The following SMARCC2 variants were observed in gnomAD, a reference collection of about 807,000 sequenced individuals.
The protein encoded by SMARCC2 is SWI/SNF complex subunit SMARCC2.
In SMARCC2, 15 loss-of-function variants were observed where a neutral mutation model predicts 151.3. The observed-to-expected ratio is 0.10, with a 90% CI of 0.07 to 0.15. SMARCC2 has a LOEUF of 0.15. Ranked by LOEUF, SMARCC2 falls within the 10% of genes least tolerant of loss-of-function variation. The pLI, the probability that SMARCC2 is intolerant of heterozygous loss-of-function variation, is 1.00. For synonymous variants in SMARCC2, 590 were observed against 609.5 expected (o/e 0.97, Z 0.47); for missense variants, 1,031 against 1,599.7 (o/e 0.64, Z 6.06).
At chr12:56,182,174 A>T in intron 7 of SMARCC2, 95 bp from the exon 8 acceptor site, 1 of 821,208 alleles carries the variant, frequency 1.2e-6, no homozygotes, top group Non-Finnish European at 1.9e-6. Context: ...TACAGAAAGT[A>T]TTGGGTTCTT....
intron 1 of SMARCC2, among the ~76,000 whole-genome samples, chr12:56,188,701 T>A (rs890450865): frequency 3.3e-5 from 5 of 152,174 alleles, no homozygotes; most frequent in African/African-American, 1.2e-4. Flanking sequence ...GACTTCATTG[T>A]AAAATCGAGG....
intron 1 of SMARCC2, among the ~76,000 whole-genome samples, chr12:56,188,315 A>T (rs1877664522): frequency 1.3e-5 from 2 of 152,184 alleles, no homozygotes; most frequent in Admixed American, 6.5e-5. Flanking sequence ...TCTCACACCC[A>T]GAGAGACCCC....
In SMARCC2 at chr12:56,182,286, C is replaced by T. The variant is rs536926649; in HGVS notation, c.633-207G>A. ...AAAGAATCACCCTTACGTAACTACTCTTGATACTTGTATATCTGTTTTTCC... is the reference window on the plus strand; with the variant it reads ...AAAGAATCACCCTTACGTAACTACTTTTGATACTTGTATATCTGTTTTTCC... On this transcript the variant is annotated intron_variant, in intron 7 of 28. Coordinates refer to ENST00000550164, the MANE Select transcript of SMARCC2 (RefSeq NM_001330288.2). 2.0e-5 allele frequency among the ~76,000 whole-genome samples: 3 copies of T among 151,688 alleles called. No individual in the cohort carries two copies. In the South Asian group the frequency reaches 6.2e-4, roughly 32 times the overall value.
Position 56,162,383 on chromosome 12 carries a change from TAAAAAAAAA to T in SMARCC2, c.*1297_*1305del. The T allele has an allele frequency of 2.2e-6, 1 of 459,384 alleles. No homozygotes were observed. The highest frequency in any genetic ancestry group is 3.8e-6 in the Non-Finnish European group (1 of 263,778). 28.5% of individuals were successfully genotyped at this position (459,384 alleles called of 1,614,324 possible). On this transcript the variant is annotated 3_prime_UTR_variant, in exon 29 of 29. Transcript: ENST00000550164. Reference sequence around the variant, plus strand: ...ATGGAACTGAAAGCAAATTAATTTATAAAAAAAAAAAAAAGAAAGAAAGAAAAAAAGAGA... The same window carrying T: ...ATGGAACTGAAAGCAAATTAATTTATAAAAAGAAAGAAAGAAAAAAAGAGA...
chr12:56,180,505 G>A (rs1875981235), intron 11 of SMARCC2, among the ~76,000 whole-genome samples: 1 of 151,382 alleles, frequency 6.6e-6, no homozygotes, highest in Non-Finnish European at 1.5e-5. Flanking sequence ...CCAGGTTCAA[G>A]CAATTCTCCT....
At chr12:56,181,143 G>C (rs1321317656) in intron 10 of SMARCC2, 42 bp from the exon 11 acceptor site, 12 of 1,588,112 alleles carry the variant, frequency 7.6e-6, no homozygotes, top group Non-Finnish European at 1.0e-5. Context: ...GTCATCCTTG[G>C]ACAAGGAGTC....
At chr12:56,178,657 C>T (rs1875504091) in intron 13 of SMARCC2, 123 bp from the exon 14 acceptor site, 3 of 1,471,216 alleles carry the variant, frequency 2.0e-6, no homozygotes, top group Non-Finnish European at 1.9e-6. Flanking sequence ...CAGTCATGGG[C>T]CCCAGGACTC....
rs1351837890 is a variant in SMARCC2, at chr12:56,184,912, T to C, written c.424A>G (p.Ile142Val). 1.2e-6 allele frequency: 2 copies of C among 1,613,250 alleles called. No individual in the cohort carries two copies. The highest frequency in any genetic ancestry group is 1.3e-5 in the African/African-American group (1 of 74,808). The change falls in exon 5 of 29, where the codon ATT becomes GTT. Residue 142 changes from isoleucine to valine, a missense_variant. Ile to Val is a conservative substitution (Grantham distance 29). Coordinates refer to ENST00000550164, the MANE Select transcript of SMARCC2 (RefSeq NM_001330288.2). ...VQNNCLSRPNIFLCPEIEPKL... is the reference protein window; with the variant it reads ...VQNNCLSRPNVFLCPEIEPKL... ...GGCTCAATTTCTGGGCACAGAAAAA[T>C]GTTAGGTCGAGACAGGCAATTATTC... is the stretch of plus-strand genomic sequence containing the variant.
At chr12:56,185,992 T>C (rs1877160585) in intron 3 of SMARCC2, 163 bp downstream of exon 3, 3 of 625,900 alleles carry the variant, frequency 4.8e-6, no homozygotes, top group African/African-American at 3.7e-5. Context: ...GAGACTGTTT[T>C]GGCTCTGACT....
chr12:56,189,232 T>C, intron 1 of SMARCC2, 119 bp downstream of exon 1: 1 of 296,690 alleles, frequency 3.4e-6, no homozygotes, highest in East Asian at 5.0e-5. Flanking sequence ...GGGGGCTGCT[T>C]GGGAGGCCGC....
Position 56,182,011 on chromosome 12 carries a change from G to C in SMARCC2, c.701C>G (p.Pro234Arg). The change falls in exon 8 of 29, where the codon CCT (proline) becomes CGT (arginine). Residue 234 changes from proline to arginine, a missense_variant. Physicochemically the swap from Pro to Arg is moderately radical, Grantham distance 103 (BLOSUM62 -2). Transcript: ENST00000550164. Reference sequence around the variant, plus strand: ...GATACAAGAAAAGCTCACCTTCCTAGGTTTCTCAGGAGTTGGAGCATCTTC... The same window carrying C: ...GATACAAGAAAAGCTCACCTTCCTACGTTTCTCAGGAGTTGGAGCATCTTC... ...SVEDAPTPEK[P>R]RKVHAKWILD... The C allele has an allele frequency of 6.2e-7, 1 of 1,610,644 alleles. No homozygotes were observed. Among genetic ancestry groups the C allele is most frequent in the Non-Finnish European group, 8.5e-7 (1 of 1,177,914 alleles).
intron 25 of SMARCC2, among the ~76,000 whole-genome samples, 187 bp from the exon 26 acceptor site, chr12:56,168,381 C>CT (rs545900697): frequency 9.5e-4 from 135 of 142,556 alleles, no homozygotes; most frequent in Middle Eastern, 3.5e-3. Context: ...TTTCTTTTTT[C>CT]TTTTTTTTTT....
At position 56,165,692 on chromosome 12, in the gene SMARCC2, T is replaced by C. The variant is rs1872651929; in HGVS notation, c.2858A>G (p.Tyr953Cys). ...IMDREREALE[Y>C]QRQQLLADRQ... ...GTCGGCCAGGAGCTGCTGCCTCTGA[T>C]ACTCCAGCTGCCAGTGCCAATTGAG... The change falls in exon 27 of 29, where the codon TAT becomes TGT. Residue 953 changes from tyrosine (Y) to cysteine (C), a missense_variant. Physicochemically the swap from Tyr to Cys is radical, Grantham distance 194 (BLOSUM62 -2). Around this residue, in one of 12 missense-constraint regions of SMARCC2, gnomAD observed 49 missense variants for 134.8 expected, o/e 0.36. Coordinates refer to ENST00000550164, the MANE Select transcript of SMARCC2 (RefSeq NM_001330288.2). The C allele has an allele frequency of 1.2e-5, 19 of 1,609,784 alleles. No homozygotes were observed. Among genetic ancestry groups the C allele is most frequent in the Middle Eastern group, 1.7e-4 (1 of 6,060 alleles).
At chr12:56,184,083 G>C (rs1302494213) in intron 6 of SMARCC2, 92 bp downstream of exon 6, 4 of 1,083,348 alleles carry the variant, frequency 3.7e-6, no homozygotes, top group Non-Finnish European at 4.2e-6. Flanking sequence ...ATTGAAAGAA[G>C]AGGAGGAGCC....
chr12:56,184,524 C>A, intron 5 of SMARCC2: 1 of 540,308 alleles, frequency 1.9e-6, no homozygotes, highest in Non-Finnish European at 3.3e-6. Flanking sequence ...TCAATGACAT[C>A]TATTCATTAC....
rs1049255910 is a variant in SMARCC2, at chr12:56,166,430, T to C, written c.2851-731A>G. On this transcript the variant is annotated intron_variant, in intron 26 of 28. Transcript: ENST00000550164. ...CCTCCCAAAGTGCTGGAATTACAGG[T>C]GTGAGCCACCGCGCCCGGCTGATGT... Among the ~76,000 whole-genome samples the C allele has an allele frequency of 2.0e-5, 3 of 152,180 alleles. No homozygotes were observed. In the East Asian group the frequency reaches 5.8e-4, roughly 29 times the overall value.
intron 25 of SMARCC2, 41 bp downstream of exon 25, chr12:56,169,488 T>C (rs1435848719): frequency 6.2e-7 from 1 of 1,600,814 alleles, no homozygotes; most frequent in East Asian, 2.2e-5. Flanking sequence ...ATTAGAGAAG[T>C]GGACATTTTC....
At position 56,165,537 on chromosome 12, in the gene SMARCC2, G is replaced by T. The variant is rs200833916; in HGVS notation, c.3013C>A (p.Pro1005Thr). ...ALPPGSQPIP[P>T]TGAAGPPAVH... Reference sequence around the variant, plus strand: ...GCGGGTGGCCCAGCAGCCCCTGTTGGGGGGATAGGCTGGGAGCCTGGGGGC... The same window carrying T: ...GCGGGTGGCCCAGCAGCCCCTGTTGTGGGGATAGGCTGGGAGCCTGGGGGC... The change falls in exon 27 of 29, where the codon CCA becomes ACA. Residue 1005 changes from proline (P) to threonine (T), a missense_variant. Physicochemically the swap from Pro to Thr is conservative, Grantham distance 38. Transcript: ENST00000550164. 5.2e-5 allele frequency: 83 copies of T among 1,611,204 alleles called. 1 individual carries two copies. In the East Asian group the frequency reaches 1.5e-3, roughly 30 times the overall value.
At chr12:56,182,252 A>G (rs1245548320) in intron 7 of SMARCC2, among the ~76,000 whole-genome samples, 173 bp from the exon 8 acceptor site, 4 of 152,178 alleles carry the variant, frequency 2.6e-5, no homozygotes, top group African/African-American at 9.7e-5. Flanking sequence ...TTTCAAAAAT[A>G]GAGAACAAAA....
Sources: gnomAD v4.1 joint callset for allele counts (sites outside exome capture counted in the v4.1 genomes callset) on GRCh38, gnomAD v4.1.1 for gene constraint, gnomAD v4.1.1 regional missense constraint, MANE v1.5 for transcripts, NCBI Gene and HGNC (gene_info 2026-07-23, HGNC 2026-07-21) for gene names.